ZNF366: variants seen among roughly 807,000 people sequenced by gnomAD.
ZNF366 encodes dendritic cell-specific transcript protein.
ZNF366 carries 20 observed loss-of-function variants against 47.2 expected under a neutral mutation model. The ratio of observed to expected loss-of-function variants is 0.42; its 90% CI spans 0.30 to 0.62. ZNF366 has a LOEUF of 0.62. Ranked by LOEUF, ZNF366 falls within the 20% of genes least tolerant of loss-of-function variation. ZNF366 has a pLI of 0.16. For synonymous variants in ZNF366, 421 were observed against 395.1 expected, an observed-to-expected ratio of 1.07 and a Z score of -0.78; for missense variants, 987 against 976.3, an observed-to-expected ratio of 1.01 and a Z score of -0.15.
chr5:72,441,791 C>A lies in ZNF366; in HGVS notation c.*1965G>T, dbSNP rs1248305800. ...GGATAGGATGAAGCACAATAATAAC[C>A]AGTACCTAGCTCTACAAATACGAGT... On this transcript the variant is annotated 3_prime_UTR_variant, in exon 5 of 5. Coordinates refer to ENST00000318442, the MANE Select transcript of ZNF366 (RefSeq NM_152625.3). 6.6e-6 allele frequency: 1 copy of A among 152,216 alleles called. No individual in the cohort carries two copies. The highest frequency in any genetic ancestry group is 1.5e-5 in the Non-Finnish European group (1 of 68,048). The allele number at this position is 152,216 out of a possible 1,614,324, so 9.4% of individuals were successfully genotyped here.
At chr5:72,445,873 A>G (rs1392247509) in intron 4 of ZNF366, among the ~76,000 whole-genome samples, 1 of 152,118 alleles carries the variant, frequency 6.6e-6, no homozygotes, top group Non-Finnish European at 1.5e-5. Context: ...TTTAACTACA[A>G]TTTTTTTCAG....
intron 3 of ZNF366, among the ~76,000 whole-genome samples, chr5:72,451,922 G>A (rs935631431): frequency 6.6e-6 from 1 of 152,190 alleles, no homozygotes; most frequent in African/African-American, 2.4e-5. Context: ...CTCCTCCCTG[G>A]TCCAGAGCCT....
At chr5:72,474,720 T>A (rs1191837308) in intron 1 of ZNF366, among the ~76,000 whole-genome samples, 1 of 152,090 alleles carries the variant, frequency 6.6e-6, no homozygotes, top group Admixed American at 6.6e-5. Flanking sequence ...TTGCTTATTC[T>A]TTGTGTGTGC....
At chr5:72,462,155 G>A (rs1743328357) in intron 1 of ZNF366, among the ~76,000 whole-genome samples, 1 of 152,186 alleles carries the variant, frequency 6.6e-6, no homozygotes, top group Non-Finnish European at 1.5e-5. Flanking sequence ...TCCACTCTGA[G>A]TAAGGTGTGC....
intron 4 of ZNF366, among the ~76,000 whole-genome samples, chr5:72,445,812 G>A (rs1435678758): frequency 6.6e-6 from 1 of 152,190 alleles, no homozygotes; most frequent in Non-Finnish European, 1.5e-5. Context: ...TAGAGATTCA[G>A]TGAATAATTC....
At position 72,460,649 on chromosome 5, in the gene ZNF366, C is replaced by G. The variant is rs1167826548; in HGVS notation, c.848G>C (p.Cys283Ser). The G allele has an allele frequency of 6.2e-7, 1 of 1,614,230 alleles. No homozygotes were observed. Among genetic ancestry groups the G allele is most frequent in the Admixed American group, 1.7e-5 (1 of 60,032 alleles). ...LGHSGIKPHA[C>S]THCGKLFKQL... is the part of the protein sequence containing the mutation. ...CTTGAAGAGCTTCCCGCAGTGCGTG[C>G]ACGCGTGCGGCTTGATCCCACTGTG... Residue 283 changes from cysteine to serine, a missense_variant, in exon 2 of 5, where the codon TGC (cysteine) becomes TCC (serine). Around this residue, in one of 3 missense-constraint regions of ZNF366, gnomAD observed 591 missense variants for 560.9 expected, o/e 1.05. Transcript: ENST00000318442.
At chr5:72,460,067 G>T (rs758414115) in intron 2 of ZNF366, 98 bp downstream of exon 2, 58 of 1,482,380 alleles carry the variant, frequency 3.9e-5, no homozygotes, top group Non-Finnish European at 5.2e-5. Flanking sequence ...TCGGGGTAAG[G>T]TGCAGAGCGG....
At chr5:72,483,209 T>G (rs1003062425) in intron 1 of ZNF366, among the ~76,000 whole-genome samples, 1 of 152,172 alleles carries the variant, frequency 6.6e-6, no homozygotes, top group Non-Finnish European at 1.5e-5. Context: ...GCTCTCCATT[T>G]ACCATTCAGC....
chr5:72,497,797 A>G (rs1331460058), intron 1 of ZNF366, among the ~76,000 whole-genome samples: 1 of 152,180 alleles, frequency 6.6e-6, no homozygotes, highest in Non-Finnish European at 1.5e-5. Flanking sequence ...ATCTTTGCCG[A>G]TCAAGTAAAT....
intron 1 of ZNF366, among the ~76,000 whole-genome samples, chr5:72,491,990 C>A (rs1157927254): frequency 2.6e-5 from 4 of 152,034 alleles, no homozygotes; most frequent in Non-Finnish European, 5.9e-5. Context: ...AACATATGGA[C>A]AGGAAAAAAT....
At chr5:72,459,072 A>G (rs1254028535) in intron 2 of ZNF366, among the ~76,000 whole-genome samples, 3 of 152,078 alleles carry the variant, frequency 2.0e-5, no homozygotes, top group Non-Finnish European at 4.4e-5. Context: ...ATCTACAGGT[A>G]CCTTTTGTAG....
At chr5:72,503,196 T>C (rs1347975902) in intron 1 of ZNF366, among the ~76,000 whole-genome samples, 1 of 152,200 alleles carries the variant, frequency 6.6e-6, no homozygotes, top group Non-Finnish European at 1.5e-5. Context: ...GATTTACATA[T>C]GGTTCTAGAA....
Position 72,443,944 on chromosome 5 carries a change from G to C in ZNF366, c.2047C>G (p.Leu683Val). Residue 683 changes from leucine (L) to valine (V), a missense_variant, in exon 5 of 5, where the codon CTT (leucine) becomes GTT (valine). By Grantham distance (32) the Leu-to-Val change is conservative. Transcript: ENST00000318442. ...GEWEKRSKGDLGAEGGQERDC... is the reference protein window; with the variant it reads ...GEWEKRSKGDVGAEGGQERDC... ...CTCTCCTGGCCGCCCTCTGCCCCAA[G>C]GTCACCCTTGCTCCTCTTCTCCCAT... is the stretch of plus-strand genomic sequence containing the variant. The C allele has an allele frequency of 1.2e-6, 2 of 1,614,124 alleles. No individual in the cohort carries two copies. The highest frequency in any genetic ancestry group is 1.7e-6 in the Non-Finnish European group (2 of 1,180,012).
intron 1 of ZNF366, among the ~76,000 whole-genome samples, chr5:72,495,923 T>A (rs1206880776): frequency 1.3e-5 from 2 of 152,138 alleles, no homozygotes; most frequent in Non-Finnish European, 2.9e-5. Flanking sequence ...AAAGGCAAAT[T>A]CTATTAGCCA....
chr5:72,460,956 G>A lies in ZNF366; in HGVS notation c.541C>T (p.His181Tyr), dbSNP rs749599024. ...AAGAAGGGGAACATGAGGCCCGGGT[G>A]GACTTTGGGGTAGTAGGGGTAGGGC... ...PTPYPYYPKVHPGLMFPFFVP... is the reference protein window; with the variant it reads ...PTPYPYYPKVYPGLMFPFFVP... The change falls in exon 2 of 5, where the codon CAC (histidine) becomes TAC (tyrosine). Residue 181 changes from histidine (H) to tyrosine (Y), a missense_variant. His to Tyr is a moderately conservative substitution (Grantham distance 83). This residue lies in a region of ZNF366 where 591 missense variants were observed against 560.9 expected (regional missense o/e 1.05). Coordinates refer to ENST00000318442, the MANE Select transcript of ZNF366 (RefSeq NM_152625.3). 12 of 1,612,558 alleles carry A rather than the reference G, an allele frequency of 7.4e-6. No individual in the cohort carries two copies. Among genetic ancestry groups the A allele is most frequent in the South Asian group, 1.1e-5 (1 of 91,046 alleles).
chr5:72,478,489 C>A (rs1355821688), intron 1 of ZNF366, among the ~76,000 whole-genome samples: 2 of 152,206 alleles, frequency 1.3e-5, no homozygotes, highest in East Asian at 3.9e-4. Flanking sequence ...CATTCCACCC[C>A]AAATGTGCCC....
intron 3 of ZNF366, among the ~76,000 whole-genome samples, chr5:72,455,359 C>A (rs1458946594): frequency 6.6e-6 from 1 of 152,168 alleles, no homozygotes; most frequent in Non-Finnish European, 1.5e-5. Flanking sequence ...GGGAACCCCA[C>A]TTCAGGAATA....
At chr5:72,450,759 CT>C (rs1321938472) in intron 3 of ZNF366, among the ~76,000 whole-genome samples, 2 of 152,228 alleles carry the variant, frequency 1.3e-5, no homozygotes, top group African/African-American at 4.8e-5. Context: ...AACACTTGGC[CT>C]TCTCATCTTT....
chr5:72,452,627 A>T (rs928334227), intron 3 of ZNF366, among the ~76,000 whole-genome samples: 2 of 152,192 alleles, frequency 1.3e-5, no homozygotes, highest in East Asian at 3.8e-4. Context: ...CTGCAGGGAG[A>T]TCTCATCCCT....
Sources: allele counts gnomAD v4.1 joint callset (sites outside exome capture counted in the v4.1 genomes callset), GRCh38; gene constraint gnomAD v4.1.1; regional missense constraint gnomAD v4.1.1; transcripts MANE v1.5; gene names NCBI Gene and HGNC (gene_info 2026-07-23, HGNC 2026-07-21).